RGS7: variants seen among roughly 807,000 people sequenced by gnomAD.
RGS7 encodes the protein regulator of G-protein signaling 7.
RGS7 carries 27 observed loss-of-function variants against 81.1 expected under a neutral mutation model. That is an observed-to-expected ratio of 0.33 (90% CI 0.25 to 0.46). RGS7 has a LOEUF of 0.46. Ranked by LOEUF, RGS7 falls within the 20% of genes least tolerant of loss-of-function variation. RGS7 has a pLI of 1.00. For synonymous variants in RGS7, 208 were observed against 207.7 expected (o/e 1.00, Z -0.01); for missense variants, 396 against 607.4 (o/e 0.65, Z 3.66).
At chr1:241,095,361 A>G (rs2815840) in intron 3 of RGS7, among the ~76,000 whole-genome samples, 70,965 of 152,114 alleles carry the variant, frequency 0.47, 19,488 homozygotes, top group African/African-American at 0.77. Context: ...TACAAATAAT[A>G]TATGATGGCT....
intron 2 of RGS7, among the ~76,000 whole-genome samples, chr1:241,227,738 A>T (rs1391057483): frequency 2.1e-5 from 2 of 96,566 alleles, no homozygotes. Flanking sequence ...ACACAGCAAG[A>T]CCTTGTGTCA....
chr1:240,982,630 T>C lies in RGS7; in HGVS notation c.226+449A>G, dbSNP rs578206239. 3.9e-5 allele frequency among the ~76,000 whole-genome samples: 6 copies of C among 151,998 alleles called. 1 individual carries two copies. In the Middle Eastern group the frequency reaches 0.02, roughly 517 times the overall value. ...CTCTCTCTCTCACACACACACACCATGTAGGCACGAGAAAAAAAATCAGAA... is the reference window on the plus strand; with the variant it reads ...CTCTCTCTCTCACACACACACACCACGTAGGCACGAGAAAAAAAATCAGAA... On this transcript the variant is annotated intron_variant, in intron 4 of 18. Coordinates refer to ENST00000440928, the MANE Select transcript of RGS7 (RefSeq NM_001364886.1).
chr1:240,847,637 C>A (rs1659337666), intron 9 of RGS7, among the ~76,000 whole-genome samples: 1 of 152,200 alleles, frequency 6.6e-6, no homozygotes, highest in Non-Finnish European at 1.5e-5. Context: ...ACTTCTGTCT[C>A]ACTGGATATC....
chr1:241,204,460 T>C (rs1243281063), intron 2 of RGS7, among the ~76,000 whole-genome samples: 3 of 152,214 alleles, frequency 2.0e-5, no homozygotes, highest in African/African-American at 7.2e-5. Context: ...GACAATTTTC[T>C]TAGTGAATAA....
rs530895575 is a variant in RGS7 at position 241,244,431 on chromosome 1, G to A, written c.78+111268C>T. Among the ~76,000 whole-genome samples the A allele has an allele frequency of 5.3e-5, 8 of 152,228 alleles. No individual in the cohort carries two copies. In the South Asian group the frequency reaches 1.2e-3, roughly 24 times the overall value. On this transcript the variant is annotated intron_variant, in intron 2 of 18. Coordinates refer to ENST00000440928, the MANE Select transcript of RGS7 (RefSeq NM_001364886.1). ...AGATATCATCTCACCAGTTAGAATG[G>A]CGATCATTAAAAAGTCAGGAAACAA...
At chr1:240,816,948 G>A (rs1229743248) in intron 10 of RGS7, among the ~76,000 whole-genome samples, 1 of 152,136 alleles carries the variant, frequency 6.6e-6, no homozygotes, top group Non-Finnish European at 1.5e-5. Context: ...TCAACAGTGG[G>A]TTATTTACTT....
intron 9 of RGS7, among the ~76,000 whole-genome samples, chr1:240,834,540 TC>T (rs1451086554): frequency 1.3e-5 from 2 of 152,152 alleles, no homozygotes; most frequent in Non-Finnish European, 2.9e-5. Context: ...AGATGGAGTC[TC>T]GCTCCACCGC....
chr1:240,995,179 T>C (rs1279607556), intron 3 of RGS7, among the ~76,000 whole-genome samples: 1 of 152,216 alleles, frequency 6.6e-6, no homozygotes, highest in Non-Finnish European at 1.5e-5. Context: ...AGCCTGCATC[T>C]CTGAAATAAA....
intron 11 of RGS7, among the ~76,000 whole-genome samples, chr1:240,815,288 GC>G (rs1690619231): frequency 6.6e-6 from 1 of 152,076 alleles, no homozygotes; most frequent in Admixed American, 6.6e-5. Context: ...GTTGCAGTGA[GC>G]TGAGATCACA....
intron 2 of RGS7, among the ~76,000 whole-genome samples, chr1:241,293,802 C>CA (rs1353250917): frequency 6.6e-6 from 1 of 152,114 alleles, no homozygotes; most frequent in Non-Finnish European, 1.5e-5. Context: ...CAGATGCTGG[C>CA]AAGGCTGTGG....
chr1:241,090,883 A>C (rs2148928849), intron 3 of RGS7, among the ~76,000 whole-genome samples: 1 of 152,296 alleles, frequency 6.6e-6, no homozygotes, highest in Admixed American at 6.5e-5. Context: ...TTGGGAGATG[A>C]ATGTAAGAGT....
chr1:240,861,973 G>T (rs1237049495), intron 9 of RGS7, among the ~76,000 whole-genome samples: 1 of 152,094 alleles, frequency 6.6e-6, no homozygotes, highest in Non-Finnish European at 1.5e-5. Context: ...GTATATGTGT[G>T]GGGCTTCATT....
At chr1:241,069,700 A>G (rs1267797947) in intron 3 of RGS7, among the ~76,000 whole-genome samples, 1 of 152,170 alleles carries the variant, frequency 6.6e-6, no homozygotes, top group Non-Finnish European at 1.5e-5. Flanking sequence ...ACAAAAATGC[A>G]GGAGAAGCAC....
chr1:241,134,338 A>C (rs2067337524), intron 2 of RGS7, among the ~76,000 whole-genome samples: 1 of 152,220 alleles, frequency 6.6e-6, no homozygotes, highest in Non-Finnish European at 1.5e-5. Flanking sequence ...CATATGACAA[A>C]TCCAGACTGA....
chr1:241,182,460 G>A (rs767573646), intron 2 of RGS7, among the ~76,000 whole-genome samples: 10 of 152,134 alleles, frequency 6.6e-5, no homozygotes, highest in Non-Finnish European at 1.0e-4. Flanking sequence ...CTCCGTCAAT[G>A]TTAGTGTGGC....
chr1:241,031,031 T>TA (rs1321622162), intron 3 of RGS7, among the ~76,000 whole-genome samples: 1 of 152,202 alleles, frequency 6.6e-6, no homozygotes, highest in Non-Finnish European at 1.5e-5. Context: ...ATATATTGCA[T>TA]AGTGGTGAAG....
At chr1:241,283,835 T>C (rs1354248815) in intron 2 of RGS7, among the ~76,000 whole-genome samples, 1 of 152,198 alleles carries the variant, frequency 6.6e-6, no homozygotes, top group East Asian at 1.9e-4. Flanking sequence ...ATTTTTCAGA[T>C]TGGGTAACTT....
chr1:241,148,922 T>C (rs1283635034), intron 2 of RGS7, among the ~76,000 whole-genome samples: 1 of 152,246 alleles, frequency 6.6e-6, no homozygotes, highest in Non-Finnish European at 1.5e-5. Flanking sequence ...TACTATGTAT[T>C]TCGTTAATGA....
intron 4 of RGS7, among the ~76,000 whole-genome samples, chr1:240,946,224 C>T (rs895800011): frequency 2.0e-5 from 3 of 151,860 alleles, no homozygotes; most frequent in Non-Finnish European, 4.4e-5. Flanking sequence ...CCTCAAAAAT[C>T]CCCCCCTCTT....
Sources: gnomAD v4.1 joint callset for allele counts (sites outside exome capture counted in the v4.1 genomes callset) on GRCh38, gnomAD v4.1.1 for gene constraint, MANE v1.5 for transcripts, NCBI Gene and HGNC (gene_info 2026-07-23, HGNC 2026-07-21) for gene names.